The following TLCD4 variants were observed in gnomAD, a reference collection of about 807,000 sequenced individuals.
TLCD4 encodes TLC domain-containing protein 4.
In TLCD4, 7 loss-of-function variants were observed where a neutral mutation model predicts 24.2. The observed-to-expected ratio is 0.29, with a 90% CI of 0.16 to 0.54. TLCD4 has a LOEUF of 0.54. TLCD4 is among the 20% of genes least tolerant of loss of function. The probability of loss-of-function intolerance (pLI) is 0.95; values close to 1 mark genes in which losing one functional copy is unlikely to be tolerated. For missense variants in TLCD4, 259 were observed against 313.9 expected (o/e 0.82, Z 1.32); for synonymous variants, 103 against 106.4 (o/e 0.97, Z 0.20).
At chr1:95,146,003 C>T (rs1677335924) in intron 2 of TLCD4, among the ~76,000 whole-genome samples, 1 of 152,024 alleles carries the variant, frequency 6.6e-6, no homozygotes, top group Non-Finnish European at 1.5e-5. Context: ...GTGGAGAGTG[C>T]AAAGTAGGAC....
intron 6 of TLCD4, among the ~76,000 whole-genome samples, chr1:95,188,035 A>T (rs1678886472): frequency 1.3e-5 from 2 of 151,860 alleles, no homozygotes. Context: ...ATTTAACCTT[A>T]ATTGCCTTCT....
At chr1:95,131,387 A>G (rs1405672988) in intron 1 of TLCD4, among the ~76,000 whole-genome samples, 2 of 152,174 alleles carry the variant, frequency 1.3e-5, no homozygotes, top group African/African-American at 4.8e-5. Flanking sequence ...ATCTTTAAGG[A>G]AGAGAAAGAA....
At chr1:95,129,170 C>A (rs950983174) in intron 1 of TLCD4, among the ~76,000 whole-genome samples, 3 of 152,124 alleles carry the variant, frequency 2.0e-5, no homozygotes, top group African/African-American at 7.2e-5. Flanking sequence ...TTGTTATAAT[C>A]AAAACAATCT....
At chr1:95,140,475 A>G (rs982404448) in intron 1 of TLCD4, among the ~76,000 whole-genome samples, 4 of 152,222 alleles carry the variant, frequency 2.6e-5, no homozygotes, top group Admixed American at 2.6e-4. Context: ...TTTCCCTACT[A>G]AGAAATCAGT....
chr1:95,157,825 T>G (rs1196332761), intron 5 of TLCD4, among the ~76,000 whole-genome samples: 1 of 152,216 alleles, frequency 6.6e-6, no homozygotes, highest in Non-Finnish European at 1.5e-5. Flanking sequence ...TTCAGAAGAC[T>G]TACTACATAG....
chr1:95,157,428 A>T (rs1028905529), intron 5 of TLCD4, among the ~76,000 whole-genome samples: 1 of 152,222 alleles, frequency 6.6e-6, no homozygotes, highest in Non-Finnish European at 1.5e-5. Flanking sequence ...GACTAATGGG[A>T]CTGTGTCAGA....
At chr1:95,136,864 A>G (rs1354331412) in intron 1 of TLCD4, among the ~76,000 whole-genome samples, 2 of 152,172 alleles carry the variant, frequency 1.3e-5, no homozygotes, top group Non-Finnish European at 2.9e-5. Flanking sequence ...GTGGATGTCC[A>G]TGTCATTCAT....
intron 1 of TLCD4, among the ~76,000 whole-genome samples, chr1:95,129,991 C>A (rs927031680): frequency 1.3e-5 from 2 of 152,156 alleles, no homozygotes; most frequent in Non-Finnish European, 2.9e-5. Flanking sequence ...CCTCCTAAGT[C>A]TTTTTCCCTA....
chr1:95,137,148 T>A (rs1167883636), intron 1 of TLCD4, among the ~76,000 whole-genome samples: 2 of 151,960 alleles, frequency 1.3e-5, no homozygotes, highest in East Asian at 3.9e-4. Context: ...AAGTTAAAGG[T>A]GTTTATGCCT....
At chr1:95,167,309 A>G (rs943965854) in intron 5 of TLCD4, among the ~76,000 whole-genome samples, 5 of 152,118 alleles carry the variant, frequency 3.3e-5, no homozygotes, top group Admixed American at 6.6e-5. Flanking sequence ...GCTTTTAACT[A>G]TCCCTGCCTC....
intron 1 of TLCD4, among the ~76,000 whole-genome samples, chr1:95,138,816 G>A (rs758755492): frequency 6.6e-6 from 1 of 151,854 alleles, no homozygotes; most frequent in African/African-American, 2.4e-5. Flanking sequence ...AATACATGGT[G>A]TAGACAGATG....
In TLCD4 at chr1:95,177,054, T is replaced by G. The variant is rs1312946207; in HGVS notation, c.473+3165T>G. Reference sequence around the variant, plus strand: ...TGTTACCAGAATCATCTTTCTTACATTCCACTTTCACTACCTTATTTTTTC... The same window carrying G: ...TGTTACCAGAATCATCTTTCTTACAGTCCACTTTCACTACCTTATTTTTTC... On this transcript the variant is annotated intron_variant, in intron 6 of 6. Transcript: ENST00000370203. Among the ~76,000 whole-genome samples, 4 of 152,174 alleles carry G rather than the reference T, an allele frequency of 2.6e-5. No homozygotes were observed. The East Asian group carries it at 7.7e-4, about 29-fold the overall frequency.
At chr1:95,108,318 T>C in the TLCD4 span, among the ~76,000 whole-genome samples, 2 of 152,206 alleles carry the variant, frequency 1.3e-5, no homozygotes, top group African/African-American at 4.8e-5. Flanking sequence ...AGTTAGGCCT[T>C]CCCATTCCTT....
intron 6 of TLCD4, among the ~76,000 whole-genome samples, chr1:95,178,563 CTTTTTTTTTTTT>C: frequency 1.2e-5 from 1 of 82,388 alleles, no homozygotes; most frequent in East Asian, 3.9e-4. Flanking sequence ...ATGCCCAGCC[CTTTTTTTTTTTT>C]TTTTTTTTTT....
At chr1:95,149,993 C>T (rs1677449019) in intron 3 of TLCD4, among the ~76,000 whole-genome samples, 1 of 152,084 alleles carries the variant, frequency 6.6e-6, no homozygotes, top group Non-Finnish European at 1.5e-5. Flanking sequence ...AAGATAACAG[C>T]AGTAGTTACC....
chr1:95,096,007 C>T, the TLCD4 span, among the ~76,000 whole-genome samples: 1 of 152,196 alleles, frequency 6.6e-6, no homozygotes, highest in Non-Finnish European at 1.5e-5. Context: ...GATGTGAAAC[C>T]ATTCAAGACT....
the TLCD4 span, among the ~76,000 whole-genome samples, chr1:95,108,052 G>C: frequency 6.6e-6 from 1 of 151,964 alleles, no homozygotes; most frequent in Non-Finnish European, 1.5e-5. Context: ...AATGTGTAAA[G>C]GTCCTTTATT....
At chr1:95,168,059 G>A (rs1278868351) in intron 5 of TLCD4, among the ~76,000 whole-genome samples, 2 of 152,110 alleles carry the variant, frequency 1.3e-5, no homozygotes, top group African/African-American at 4.8e-5. Flanking sequence ...TCCATCTATC[G>A]TTAATTTTAA....
intron 2 of TLCD4, among the ~76,000 whole-genome samples, chr1:95,144,954 G>T (rs1677306854): frequency 6.6e-6 from 1 of 152,130 alleles, no homozygotes; most frequent in East Asian, 1.9e-4. Flanking sequence ...CCCTCCCAAA[G>T]TGCTGGGATT....
Sources: gnomAD v4.1 joint callset for allele counts (sites outside exome capture counted in the v4.1 genomes callset) on GRCh38, gnomAD v4.1.1 for gene constraint, MANE v1.5 for transcripts, NCBI Gene and HGNC (gene_info 2026-07-23, HGNC 2026-07-21) for gene names.